ABHD14A: variants seen among roughly 807,000 people sequenced by gnomAD.
ABHD14A encodes the protein abhydrolase domain containing 14A, also known as protein ABHD14A.
In ABHD14A, 19 loss-of-function variants were observed where a neutral mutation model predicts 27.0. The ratio of observed to expected loss-of-function variants is 0.70; its 90% CI spans 0.49 to 1.03. The LOEUF (loss-of-function observed/expected upper bound fraction) is 1.03. Among genes scored for constraint, ABHD14A ranks in the 50% least tolerant of loss-of-function variants. The pLI is 0.00. For synonymous variants in ABHD14A, 148 were observed against 158.8 expected (o/e 0.93, Z 0.51); for missense variants, 311 against 344.6 (o/e 0.90, Z 0.77).
intron 1 of ABHD14A, among the ~76,000 whole-genome samples, chr3:51,976,608 G>A (rs1700793191): frequency 6.6e-6 from 1 of 152,230 alleles, no homozygotes; most frequent in Admixed American, 6.5e-5. Context: ...CCGGGAGGCG[G>A]AGGTTGCAGT....
intron 1 of ABHD14A, among the ~76,000 whole-genome samples, chr3:51,977,068 T>TC: frequency 6.6e-6 from 1 of 152,156 alleles, no homozygotes; most frequent in Non-Finnish European, 1.5e-5. Flanking sequence ...TGTACCATGC[T>TC]CCTCCCTGGC....
At chr3:51,980,134 G>A (rs1559775872) in intron 3 of ABHD14A, 3 of 520,890 alleles carry the variant, frequency 5.8e-6, no homozygotes, top group Non-Finnish European at 7.4e-6. Context: ...GTGTTAGCCA[G>A]GATGGTCTCG....
At chr3:51,978,163 G>C (rs752734367) in intron 2 of ABHD14A, 81 bp downstream of exon 2, 3 of 1,539,744 alleles carry the variant, frequency 1.9e-6, no homozygotes, top group African/African-American at 2.7e-5. Flanking sequence ...TACTCAGGGT[G>C]CTCAGGTCCT....
At chr3:51,975,246 G>T (rs1034072077) in intron 1 of ABHD14A, 42 bp downstream of exon 1, 7 of 1,245,616 alleles carry the variant, frequency 5.6e-6, no homozygotes, top group Non-Finnish European at 1.0e-6. Flanking sequence ...TGGCCCAGGG[G>T]AGGGCCGTCT....
intron 2 of ABHD14A, 58 bp downstream of exon 2, chr3:51,978,140 G>T: frequency 2.6e-6 from 4 of 1,567,384 alleles, no homozygotes; most frequent in Non-Finnish European, 3.5e-6. Context: ...GTCCCTGTGT[G>T]GGACCCCCAT....
rs778028722 is a variant in ABHD14A at position 51,977,965 on chromosome 3, C to A, written c.164C>A (p.Pro55His). ...CTACTGTATGTGGGGCTGCCAGGCC[C>A]CCCTGAGCAGACTTCCTGCCTCTGG... ...MLLLYVGLPG[P>H]PEQTSCLWGD... Residue 55 changes from proline (P) to histidine (H), a missense_variant, in exon 2 of 5, where the codon CCC becomes CAC. By Grantham distance (77) the Pro-to-His change is moderately conservative. Transcript: ENST00000273596. The A allele has an allele frequency of 2.0e-5, 33 of 1,614,014 alleles. No homozygotes were observed. The highest frequency in any genetic ancestry group is 1.6e-4 in the Middle Eastern group (1 of 6,084).
At position 51,980,895 on chromosome 3, in the gene ABHD14A, G is replaced by T. The variant is rs1700897137; in HGVS notation, c.693G>T (p.Arg231=). 3 of 1,614,038 alleles carry T rather than the reference G, an allele frequency of 1.9e-6. No homozygotes were observed. The African/African-American group carries it at 4.0e-5, about 22-fold the overall frequency. Residue 231 remains arginine, a synonymous_variant, in exon 5 of 5, where the codon CGG becomes CGT. Transcript: ENST00000273596. ...LDHILARESL[R]QLRHLPNHSV... ...ACATCCTGGCTCGAGAGTCACTGCG[G>T]CAGCTCCGCCACCTGCCCAACCACT...
rs936444512 is a variant in ABHD14A at position 51,975,110 on chromosome 3, C to A, written c.-26C>A. The A allele has an allele frequency of 7.0e-6, 9 of 1,287,724 alleles. No homozygotes were observed. In the African/African-American group the frequency reaches 1.4e-4, roughly 20 times the overall value. 79.8% of individuals were successfully genotyped at this position (1,287,724 alleles called of 1,614,324 possible). A position where few individuals can be genotyped will look rare whatever the true frequency, so the allele number is the denominator to read the frequency against. On this transcript the variant is annotated 5_prime_UTR_variant, in exon 1 of 5. Transcript: ENST00000273596. Reference sequence around the variant, plus strand: ...CGCTCCTGGCCGCCTAGAGCCGGAGCGGCCCGCGGAGCTGCGGAGGCAGCC... The same window carrying A: ...CGCTCCTGGCCGCCTAGAGCCGGAGAGGCCCGCGGAGCTGCGGAGGCAGCC...
In ABHD14A at chr3:51,977,985, C is replaced by T. The variant is rs1238964519; in HGVS notation, c.184C>T (p.Leu62Phe). ...LPGPPEQTSC[L>F]WGDPNVTVLA... The stretch of plus-strand genomic sequence containing the variant: ...AGGCCCCCCTGAGCAGACTTCCTGC[C>T]TCTGGGGAGACCCCAATGTCACAGT... The change falls in exon 2 of 5, where the codon CTC becomes TTC. Residue 62 changes from leucine to phenylalanine, a missense_variant. Coordinates refer to ENST00000273596, the MANE Select transcript of ABHD14A (RefSeq NM_015407.5). The T allele has an allele frequency of 1.2e-6, 2 of 1,614,000 alleles. No individual in the cohort carries two copies. The highest frequency in any genetic ancestry group is 2.2e-5 in the East Asian group (1 of 44,898).
chr3:51,975,992 A>G (rs1020757414), intron 1 of ABHD14A, among the ~76,000 whole-genome samples: 6 of 152,238 alleles, frequency 3.9e-5, no homozygotes, highest in African/African-American at 1.2e-4. Context: ...CAGGTCCACT[A>G]CAATTTCCTA....
At chr3:51,980,185 G>C in intron 3 of ABHD14A, 2 of 664,462 alleles carry the variant, frequency 3.0e-6, no homozygotes, top group Non-Finnish European at 5.5e-6. Flanking sequence ...GCCTCCCAAA[G>C]TGCTGGGATT....
At chr3:51,977,791 G>T in intron 1 of ABHD14A, 80 bp from the exon 2 acceptor site, 2 of 1,337,818 alleles carry the variant, frequency 1.5e-6, no homozygotes, top group South Asian at 2.5e-5. Context: ...TGGGGACTCT[G>T]GGTGGGGTTT....
intron 2 of ABHD14A, 67 bp from the exon 3 acceptor site, chr3:51,978,192 G>A (rs1222198830): frequency 6.5e-7 from 1 of 1,530,320 alleles, no homozygotes; most frequent in Non-Finnish European, 8.9e-7. Flanking sequence ...AATGGGAGAA[G>A]CCTAGGAATA....
chr3:51,980,050 G>A (rs896144127), intron 3 of ABHD14A, among the ~76,000 whole-genome samples: 2 of 151,886 alleles, frequency 1.3e-5, no homozygotes, highest in African/African-American at 2.4e-5. Flanking sequence ...AGCCTCCTGC[G>A]TAGCTGGGAC....
In ABHD14A at chr3:51,981,167, A is replaced by C; in HGVS notation, c.*149A>C. On this transcript the variant is annotated 3_prime_UTR_variant, in exon 5 of 5. Coordinates refer to ENST00000273596, the MANE Select transcript of ABHD14A (RefSeq NM_015407.5). ...CTCCTCATTTCATCTCACAGACACA[A>C]TAAAAAAGCATATTTGTCCTGCCTG... The C allele has an allele frequency of 2.5e-6, 2 of 791,830 alleles. No individual in the cohort carries two copies. The highest frequency in any genetic ancestry group is 3.9e-6 in the Non-Finnish European group (2 of 510,840). The allele number at this position is 791,830 out of a possible 1,614,324, so 49.1% of individuals were successfully genotyped here.
At chr3:51,979,981 G>T (rs542500767) in intron 3 of ABHD14A, among the ~76,000 whole-genome samples, 1 of 151,678 alleles carries the variant, frequency 6.6e-6, no homozygotes, top group East Asian at 1.9e-4. Flanking sequence ...GAGTGCAGTG[G>T]CATGATCTCG....
intron 3 of ABHD14A, chr3:51,978,982 G>GA (rs1559775495): frequency 7.3e-6 from 2 of 272,880 alleles, no homozygotes; most frequent in South Asian, 2.7e-5. Flanking sequence ...TTAAAAAAAT[G>GA]AAAAAATGTC....
Position 51,978,273 on chromosome 3 carries a change from T to G in ABHD14A, c.296T>G (p.Leu99Arg). ...TGTGCCTGCAGGGTGGAGGTGGTGC[T>G]GCTTCATGGAAAGGCCTTTAACTCT... is the stretch of plus-strand genomic sequence containing the variant. The part of the protein sequence containing the change: ...LNQAHRVEVV[L>R]LHGKAFNSHT... The change falls in exon 3 of 5, where the codon CTG becomes CGG. Residue 99 changes from leucine (L) to arginine (R), a missense_variant. By Grantham distance (102) the Leu-to-Arg change is moderately radical. Transcript: ENST00000273596. 2 of 1,551,360 alleles carry G rather than the reference T, an allele frequency of 1.3e-6. No homozygotes were observed. The highest frequency in any genetic ancestry group is 2.7e-5 in the African/African-American group (2 of 73,164).
intron 3 of ABHD14A, 141 bp from the exon 4 acceptor site, chr3:51,980,252 T>A: frequency 1.3e-6 from 1 of 773,004 alleles, no homozygotes; most frequent in South Asian, 1.5e-5. Flanking sequence ...GCATATTACA[T>A]TACCAGAAAA....
Sources: gnomAD v4.1 joint callset for allele counts (sites outside exome capture counted in the v4.1 genomes callset) on GRCh38, gnomAD v4.1.1 for gene constraint, MANE v1.5 for transcripts, NCBI Gene and HGNC (gene_info 2026-07-23, HGNC 2026-07-21) for gene names.